EXOC4: variants seen among roughly 807,000 people sequenced by gnomAD.
EXOC4 encodes exocyst complex component 4.
Under a neutral mutation model 107.2 loss-of-function variants are expected in EXOC4, and 71 were observed. That is an observed-to-expected ratio of 0.66 (90% confidence interval 0.55 to 0.81). EXOC4 has a LOEUF of 0.81. Ranked by LOEUF, EXOC4 falls within the 30% of genes least tolerant of loss-of-function variation. The pLI is 0.00. For synonymous variants in EXOC4, 456 were observed against 441.2 expected, an observed-to-expected ratio of 1.03 and a Z score of -0.42; for missense variants, 1,108 against 1,189.6, an observed-to-expected ratio of 0.93 and a Z score of 1.01.
Position 133,403,162 on chromosome 7 carries a change from C to T in EXOC4, c.1182+28160C>T, listed in dbSNP as rs986096291. Among the ~76,000 whole-genome samples, 8 of 152,292 alleles carry T rather than the reference C, an allele frequency of 5.3e-5. No individual in the cohort carries two copies. The East Asian group carries it at 5.8e-4, about 11-fold the overall frequency. ...CCTCCCAAAGTGCTGGGATTGCAGG[C>T]GTGAGCCATCGTGCCCGGCTGCAAG... On this transcript the variant is annotated intron_variant, in intron 7 of 17. Transcript: ENST00000253861.
chr7:133,305,844 A>G (rs373507717), intron 3 of EXOC4, 33 bp from the exon 4 acceptor site: 1 of 1,538,526 alleles, frequency 6.5e-7, no homozygotes, highest in African/African-American at 1.4e-5. Flanking sequence ...ATTAAGTTGT[A>G]CTTAATTGTC....
At chr7:133,347,768 C>A (rs1423801339) in intron 5 of EXOC4, among the ~76,000 whole-genome samples, 1 of 152,076 alleles carries the variant, frequency 6.6e-6, no homozygotes, top group East Asian at 1.9e-4. Context: ...GCTGTGATCA[C>A]AAGCACTTGG....
chr7:133,590,714 A>G (rs1437528071), intron 9 of EXOC4, among the ~76,000 whole-genome samples: 2 of 152,156 alleles, frequency 1.3e-5, no homozygotes, highest in East Asian at 3.9e-4. Context: ...TTTCCACTGC[A>G]TCCTCTTTCC....
chr7:134,061,680 T>C (rs982280718), intron 17 of EXOC4, among the ~76,000 whole-genome samples: 33 of 152,152 alleles, frequency 2.2e-4, no homozygotes, highest in Non-Finnish European at 4.1e-4. Context: ...AAAATGTATA[T>C]TCTTAGGAAG....
chr7:133,626,597 A>T (rs12707106), intron 9 of EXOC4, among the ~76,000 whole-genome samples: 22,316 of 152,014 alleles, frequency 0.15, 2,098 homozygotes, highest in South Asian at 0.23. Flanking sequence ...TTTCTGCCCG[A>T]ACTTTACTTT....
chr7:133,743,344 AT>A (rs2151130716), intron 10 of EXOC4, among the ~76,000 whole-genome samples: 1 of 152,322 alleles, frequency 6.6e-6, no homozygotes, highest in South Asian at 2.1e-4. Context: ...ACATGTCAAA[AT>A]TATACAAAGC....
intron 12 of EXOC4, among the ~76,000 whole-genome samples, chr7:133,908,289 T>C (rs1302672606): frequency 6.6e-6 from 1 of 152,270 alleles, no homozygotes; most frequent in Non-Finnish European, 1.5e-5. Context: ...AACAATTCTG[T>C]TGAATTAGAT....
intron 10 of EXOC4, among the ~76,000 whole-genome samples, chr7:133,749,534 A>C (rs1169904582): frequency 6.6e-6 from 1 of 152,070 alleles, no homozygotes; most frequent in Non-Finnish European, 1.5e-5. Flanking sequence ...CTGAGACTAC[A>C]GGGGCGCACC....
chr7:133,851,895 A>G (rs1585197901), intron 11 of EXOC4, among the ~76,000 whole-genome samples: 1 of 152,102 alleles, frequency 6.6e-6, no homozygotes, highest in African/African-American at 2.4e-5. Context: ...ACTACATTAT[A>G]CTGCTGTTAG....
chr7:133,427,060 G>T lies in EXOC4; in HGVS notation c.1183-48268G>T, dbSNP rs867195027. Among the ~76,000 whole-genome samples the T allele has an allele frequency of 1.5e-4, 22 of 151,010 alleles. No homozygotes were observed. The East Asian group carries it at 2.3e-3, about 16-fold the overall frequency. On this transcript the variant is annotated intron_variant, in intron 7 of 17. Transcript: ENST00000253861. ...CTCTCCTGATGCTCCCATATGTGTG[G>T]TTTTTTTTTGTTTTTGAGGTATATC...
At chr7:134,080,871 A>G in the EXOC4 span, among the ~76,000 whole-genome samples, 2 of 152,064 alleles carry the variant, frequency 1.3e-5, no homozygotes, top group African/African-American at 2.4e-5. Context: ...GCTTGAGCCC[A>G]GAAGTTCGGG....
chr7:133,763,700 AG>A (rs138189023), intron 10 of EXOC4, among the ~76,000 whole-genome samples: 118,557 of 147,240 alleles, frequency 0.81, 47,235 homozygotes, highest in East Asian at 0.98. Context: ...CTAGCCAAAA[AG>A]GAAAAAAAAA....
intron 10 of EXOC4, among the ~76,000 whole-genome samples, chr7:133,694,795 A>G (rs1794496698): frequency 6.6e-6 from 1 of 152,088 alleles, no homozygotes; most frequent in South Asian, 2.1e-4. Flanking sequence ...ATCATACTCT[A>G]GATCTTATTC....
At chr7:133,634,783 A>G (rs546805878) in intron 10 of EXOC4, among the ~76,000 whole-genome samples, 15 of 152,322 alleles carry the variant, frequency 9.8e-5, no homozygotes, top group East Asian at 3.9e-4. Context: ...TGCTCAGCCA[A>G]TAATGGGTCA....
chr7:133,662,755 A>T (rs941294303), intron 10 of EXOC4, among the ~76,000 whole-genome samples: 3 of 152,154 alleles, frequency 2.0e-5, no homozygotes, highest in Non-Finnish European at 2.9e-5. Flanking sequence ...CTTTACTGAG[A>T]ACAGCAGAAG....
At chr7:133,712,379 C>T (rs995088201) in intron 10 of EXOC4, among the ~76,000 whole-genome samples, 12 of 124,944 alleles carry the variant, frequency 9.6e-5, no homozygotes, top group African/African-American at 3.4e-4. Context: ...GCAGAGGTTG[C>T]GGTGAGCTGA....
chr7:133,711,939 C>G (rs2151097460), intron 10 of EXOC4, among the ~76,000 whole-genome samples: 1 of 152,086 alleles, frequency 6.6e-6, no homozygotes, highest in East Asian at 1.9e-4. Context: ...AAAAGTTTCC[C>G]CACATTGCCT....
At chr7:133,597,573 A>C (rs1563121472) in intron 9 of EXOC4, among the ~76,000 whole-genome samples, 8 of 141,142 alleles carry the variant, frequency 5.7e-5, no homozygotes, top group Admixed American at 4.9e-4. Context: ...AAAAAAAAAA[A>C]AACCCAAAAA....
At chr7:133,367,205 G>A (rs1796267095) in intron 6 of EXOC4, among the ~76,000 whole-genome samples, 1 of 152,182 alleles carries the variant, frequency 6.6e-6, no homozygotes, top group African/African-American at 2.4e-5. Context: ...GTAGATAATT[G>A]AAGATTAGGG....
Sources: allele counts gnomAD v4.1 joint callset (sites outside exome capture counted in the v4.1 genomes callset), GRCh38; gene constraint gnomAD v4.1.1; transcripts MANE v1.5; gene names NCBI Gene and HGNC (gene_info 2026-07-23, HGNC 2026-07-21).